Variants in MUC4 observed in about 807,000 individuals in gnomAD.
MUC4 encodes the protein mucin-4.
Under a neutral mutation model 257.9 loss-of-function variants are expected in MUC4, and 202 were observed. The ratio of observed to expected loss-of-function variants is 0.78; its 90% CI spans 0.70 to 0.88. The LOEUF is 0.88. MUC4 is among the 40% of genes least tolerant of loss of function. The pLI is 0.00. For missense variants in MUC4, 5,976 were observed against 6,513.7 expected (o/e 0.92, Z 2.84); for synonymous variants, 2,351 against 2,757.1 (o/e 0.85, Z 4.62).
chr3:195,779,228 T>A lies in MUC4; in HGVS notation c.12352A>T (p.Thr4118Ser), dbSNP rs199748333. ...GCCTGACCTGTGGATGCAGAGGAAGTGTCGGTGACAGGAAGAGGCGTGGTG... is the reference window on the plus strand; with the variant it reads ...GCCTGACCTGTGGATGCAGAGGAAGAGTCGGTGACAGGAAGAGGCGTGGTG... ...GDTTPLPVTD[T>S]SSASTGQATP... Residue 4118 changes from threonine (T) to serine (S), a missense_variant, in exon 2 of 25, where the codon ACT becomes TCT. Transcript: ENST00000463781. The A allele has an allele frequency of 1.3e-4, 119 of 946,442 alleles. 7 individuals carry two copies. The highest frequency in any genetic ancestry group is 1.0e-3 in the East Asian group (13 of 13,048). The allele number at this position is 946,442 out of a possible 1,614,324, so 58.6% of individuals were successfully genotyped here.
chr3:195,767,793 CCACCACCATCAT>C (rs1428026789), intron 7 of MUC4, among the ~76,000 whole-genome samples: 9 of 73,292 alleles, frequency 1.2e-4, no homozygotes, highest in African/African-American at 4.3e-4. Context: ...ACCATCATTG[CCACCACCATCAT>C]CACCACCATC....
At chr3:195,770,771 C>A in intron 5 of MUC4, 1 of 444,172 alleles carries the variant, frequency 2.3e-6, no homozygotes, top group Non-Finnish European at 4.6e-6. Context: ...GGGGCACGGT[C>A]CACACTTCCT....
In MUC4 at chr3:195,754,298, C is replaced by T. The variant is rs151202432; in HGVS notation, c.15243G>A (p.Pro5081=). ...GAACGCAGTGGACACTCGGGAAGCA[C>T]GGCTCCTCACAGGCATCCTCGGAGC... The part of the protein sequence containing the change: ...CEGSEDACEE[P]CFPSVHCVPG... Residue 5081 remains proline (P), a synonymous_variant, in exon 19 of 25, where the codon CCG becomes CCA. Transcript: ENST00000463781. 164 of 1,613,660 alleles carry T rather than the reference C, an allele frequency of 1.0e-4. 1 individual carries two copies. Among genetic ancestry groups the T allele is most frequent in the Non-Finnish European group, 1.3e-4 (153 of 1,180,002 alleles).
rs1318796377 is a variant in MUC4, at chr3:195,784,446, G to T, written c.7134C>A (p.Ser2378=). The part of the protein sequence containing the change: ...PLPVTSSSSA[S]SGHTTPLPVT... ...CAGGAAGAGGGGTGGTGTGACCTGAGGATGCTGAGGAAGAGCTGGTGACAG... is the reference window on the plus strand; with the variant it reads ...CAGGAAGAGGGGTGGTGTGACCTGATGATGCTGAGGAAGAGCTGGTGACAG... Residue 2378 remains serine, a synonymous_variant, in exon 2 of 25, where the codon TCC becomes TCA. Coordinates refer to ENST00000463781, the MANE Select transcript of MUC4 (RefSeq NM_018406.7). 7.3e-7 allele frequency: 1 copy of T among 1,378,618 alleles called. No homozygotes were observed. The highest frequency in any genetic ancestry group is 9.9e-7 in the Non-Finnish European group (1 of 1,010,022). 85.4% of individuals were successfully genotyped at this position (1,378,618 alleles called of 1,614,324 possible).
At chr3:195,751,954 T>G in intron 21 of MUC4, 1 of 226,350 alleles carries the variant, frequency 4.4e-6, no homozygotes, top group Non-Finnish European at 8.8e-6. Context: ...GGGATTCTGA[T>G]TCTGGGTGTG....
In MUC4 at chr3:195,779,358, G is replaced by C. The variant is rs1176297507; in HGVS notation, c.12222C>G (p.Ser4074=). 2.4e-5 allele frequency: 26 copies of C among 1,077,020 alleles called. 10 individuals are homozygous for C. In the Admixed American group the frequency reaches 6.1e-4, roughly 25 times the overall value. The allele number at this position is 1,077,020 out of a possible 1,614,324, so 66.7% of individuals were successfully genotyped here. A position where few individuals can be genotyped will look rare whatever the true frequency, so the allele number is the denominator to read the frequency against. Residue 4074 remains serine (S), a synonymous_variant, in exon 2 of 25, where the codon TCC becomes TCG. Coordinates refer to ENST00000463781, the MANE Select transcript of MUC4 (RefSeq NM_018406.7). The part of the protein sequence containing the change: ...PLHVTSPSSA[S]RGDTSTLPVT... ...CAGGAAGAGTGCTGGTGTCACCTCT[G>C]GATGCTGAGGAAGGGCTGGTGACAT...
At chr3:195,806,873 C>T (rs1042466870) in intron 1 of MUC4, among the ~76,000 whole-genome samples, 1 of 152,340 alleles carries the variant, frequency 6.6e-6, no homozygotes, top group East Asian at 1.9e-4. Context: ...AGAAATTCTG[C>T]AAGTGAATGA....
Position 195,765,142 on chromosome 3 carries a change from A to C in MUC4, c.13799-20T>G, listed in dbSNP as rs371271101. On this transcript the variant is annotated intron_variant, in intron 9 of 24. Transcript: ENST00000463781. Reference sequence around the variant, plus strand: ...AGCGACCTGAAACAAGTCCAGTCCCACTCAGGCCCAGGCTGGGGCTGCCAG... The same window carrying C: ...AGCGACCTGAAACAAGTCCAGTCCCCCTCAGGCCCAGGCTGGGGCTGCCAG... 3.9e-4 allele frequency: 620 copies of C among 1,606,578 alleles called. No homozygotes were observed. Among genetic ancestry groups the C allele is most frequent in the Non-Finnish European group, 5.0e-4 (584 of 1,175,364 alleles).
chr3:195,799,163 G>T (rs1461993112), intron 1 of MUC4, among the ~76,000 whole-genome samples: 2 of 151,746 alleles, frequency 1.3e-5, no homozygotes, highest in Non-Finnish European at 2.9e-5. Flanking sequence ...CTCCCTGCTC[G>T]CAATTTCTCC....
At position 195,808,057 on chromosome 3, in the gene MUC4, C is replaced by G. The variant is rs185660665; in HGVS notation, c.82+3679G>C. Among the ~76,000 whole-genome samples the G allele has an allele frequency of 4.6e-5, 7 of 152,306 alleles. No homozygotes were observed. The East Asian group carries it at 1.4e-3, about 29-fold the overall frequency. On this transcript the variant is annotated intron_variant, in intron 1 of 24. Coordinates refer to ENST00000463781, the MANE Select transcript of MUC4 (RefSeq NM_018406.7). The stretch of plus-strand genomic sequence containing the variant: ...TGCAGCAAGCCACATTCTGAATACA[C>G]CAAGCCAGCCCTTGCAAACCCACAG...
Position 195,763,632 on chromosome 3 carries a change from A to G in MUC4, c.14054T>C (p.Phe4685Ser), listed in dbSNP as rs750156740. 121 of 1,534,504 alleles carry G rather than the reference A, an allele frequency of 7.9e-5. No homozygotes were observed. Among genetic ancestry groups the G allele is most frequent in the Non-Finnish European group, 1.0e-4 (116 of 1,133,458 alleles). ...CAAGGTGGTGATGTGGGGGTCCCCGAACATCCAGGCTGGAAGGAAAAAAGA... is the reference window on the plus strand; with the variant it reads ...CAAGGTGGTGATGTGGGGGTCCCCGGACATCCAGGCTGGAAGGAAAAAAGA... ...TYRPPQPAWM[F>S]GDPHITTLDG... The change falls in exon 12 of 25, where the codon TTC becomes TCC. Residue 4685 changes from phenylalanine (F) to serine (S), a missense_variant. By Grantham distance (155) the Phe-to-Ser change is radical. This residue lies in a region of MUC4 where 996 missense variants were observed against 1,137.3 expected (regional missense o/e 0.88). Transcript: ENST00000463781.
At chr3:195,754,818 GTGTGTATCCA>G (rs1238560926) in intron 18 of MUC4, among the ~76,000 whole-genome samples, 43 of 18,094 alleles carry the variant, frequency 2.4e-3, no homozygotes, top group Non-Finnish European at 0.011. Context: ...ATGTATCCAT[GTGTGTATCCA>G]TGTGTGTATG....
rs1160735445 is a variant in MUC4 at position 195,783,107 on chromosome 3, C to G, written c.8473G>C (p.Val2825Leu). 5 of 1,242,884 alleles carry G rather than the reference C, an allele frequency of 4.0e-6. No individual in the cohort carries two copies. The East Asian group carries it at 1.1e-4, about 27-fold the overall frequency. 77.0% of individuals were successfully genotyped at this position (1,242,884 alleles called of 1,614,324 possible). Reference sequence around the variant, plus strand: ...AGAGAGGTGGCATGACCTGTGAACACTGAGGAAGCGTCGGTGACAGGAAGA... The same window carrying G: ...AGAGAGGTGGCATGACCTGTGAACAGTGAGGAAGCGTCGGTGACAGGAAGA... ...TSLPVTDASS[V>L]FTGHATSLPV... The change falls in exon 2 of 25, where the codon GTG (valine) becomes CTG (leucine). Residue 2825 changes from valine to leucine, a missense_variant. Transcript: ENST00000463781.
intron 5 of MUC4, 87 bp downstream of exon 5, chr3:195,771,565 G>A: frequency 6.8e-7 from 1 of 1,464,610 alleles, no homozygotes; most frequent in Non-Finnish European, 9.3e-7. Context: ...TGTCACAGCA[G>A]CAACTCTGGC....
intron 6 of MUC4, chr3:195,769,500 T>A (rs1722330415): frequency 3.7e-6 from 1 of 269,386 alleles, no homozygotes; most frequent in African/African-American, 2.1e-5. Context: ...GAGAGGAGGC[T>A]TCATTAGCTC....
chr3:195,777,523 A>G (rs111215322), intron 3 of MUC4, among the ~76,000 whole-genome samples: 105 of 94,496 alleles, frequency 1.1e-3, no homozygotes, highest in Non-Finnish European at 1.3e-3. Context: ...TACCTTCCAC[A>G]CCCATACCTT....
At chr3:195,807,925 C>T (rs952130012) in intron 1 of MUC4, among the ~76,000 whole-genome samples, 26 of 152,244 alleles carry the variant, frequency 1.7e-4, no homozygotes, top group African/African-American at 6.0e-4. Flanking sequence ...CACGGCTGAG[C>T]CCAGAAACCA....
chr3:195,747,446 C>T, intron 24 of MUC4, 66 bp from the exon 25 acceptor site: 3 of 1,533,862 alleles, frequency 2.0e-6, no homozygotes, highest in Non-Finnish European at 2.7e-6. Flanking sequence ...CCCTCCTCTT[C>T]TGCTGGGGAA....
rs199702053 is a variant in MUC4 at position 195,788,512 on chromosome 3, G to T, written c.3068C>A (p.Thr1023Asn). 1,909 of 1,444,384 alleles carry T rather than the reference G, an allele frequency of 1.3e-3. 3 individuals carry two copies. In the African/African-American group the frequency reaches 0.018, roughly 14 times the overall value. 89.5% of individuals were successfully genotyped at this position (1,444,384 alleles called of 1,614,324 possible). Residue 1023 changes from threonine (T) to asparagine (N), a missense_variant, in exon 2 of 25, where the codon ACC (threonine) becomes AAC (asparagine). Transcript: ENST00000463781. ...GGAAGTGTCGGTGACAGGAAGAGGG[G>T]TGGTGTGACCTGTGGATACTGAGGA... ...SPSSVSTGHTTPLPVTDTSSE... is the reference protein window; with the variant it reads ...SPSSVSTGHTNPLPVTDTSSE...
Sources: gnomAD v4.1 joint callset for allele counts (sites outside exome capture counted in the v4.1 genomes callset) on GRCh38, gnomAD v4.1.1 for gene constraint, gnomAD v4.1.1 regional missense constraint, MANE v1.5 for transcripts, NCBI Gene and HGNC (gene_info 2026-07-23, HGNC 2026-07-21) for gene names.